Variants in GUCA1C observed in about 807,000 individuals in gnomAD.
GUCA1C encodes guanylate cyclase activator 1C, also known as guanylyl cyclase-activating protein 3.
GUCA1C carries 15 observed loss-of-function variants against 16.2 expected under a neutral mutation model. The ratio of observed to expected loss-of-function variants is 0.93; its 90% CI spans 0.62 to 1.43. GUCA1C has a LOEUF of 1.43. Ranked by LOEUF, GUCA1C falls within the 40% of genes most tolerant of loss-of-function variation. The pLI, the probability that GUCA1C is intolerant of heterozygous loss-of-function variation, is 0.00. For synonymous variants in GUCA1C, 78 were observed against 85.4 expected (o/e 0.91, Z 0.48); for missense variants, 275 against 244.8 (o/e 1.12, Z -0.82).
Position 108,920,512 on chromosome 3 carries a change from A to C in GUCA1C, c.278T>G (p.Leu93Ter), listed in dbSNP as rs765595097. 31 of 1,597,180 alleles carry C rather than the reference A, an allele frequency of 1.9e-5. No individual in the cohort carries two copies. The highest frequency in any genetic ancestry group is 3.4e-4 in the Middle Eastern group (2 of 5,848). Residue 93 changes from leucine to a stop codon, truncating the protein, a stop_gained, in exon 2 of 4, where the codon TTA (leucine) becomes TGA (stop). Coordinates refer to ENST00000261047, the MANE Select transcript of GUCA1C (RefSeq NM_005459.4). LOFTEE classifies it high-confidence loss of function. ...ATCATACAGCTTAAAATACCATTTT[A>C]ATTTTTGCTCCATTTTTTCTTGCAT... Reference protein sequence around the residue: ...LIMQEKMEQKLKWYFKLYDAD... With the variant: ...LIMQEKMEQK
intron 2 of GUCA1C, 106 bp downstream of exon 2, chr3:108,920,330 T>C (rs1007439690): frequency 2.6e-6 from 2 of 780,276 alleles, no homozygotes; most frequent in Non-Finnish European, 4.4e-6. Context: ...AAAATGTATA[T>C]CGCCAAAATA....
intron 1 of GUCA1C, among the ~76,000 whole-genome samples, chr3:108,930,625 T>A (rs1454736902): frequency 6.6e-6 from 1 of 152,210 alleles, no homozygotes; most frequent in African/African-American, 2.4e-5. Flanking sequence ...ACATTTAGTA[T>A]TAGATTTTTG....
intron 1 of GUCA1C, among the ~76,000 whole-genome samples, chr3:108,935,268 G>T (rs1381779049): frequency 6.6e-6 from 1 of 151,414 alleles, no homozygotes; most frequent in African/African-American, 2.4e-5. Context: ...CGGATGATGG[G>T]ATCAGTAGTA....
intron 1 of GUCA1C, among the ~76,000 whole-genome samples, chr3:108,922,142 TACACAC>T (rs1559842305): frequency 1.4e-5 from 2 of 143,874 alleles, no homozygotes; most frequent in African/African-American, 5.2e-5. Context: ...CCATGGTGTA[TACACAC>T]ACACATACAC....
rs754752434 is a variant in GUCA1C, at chr3:108,933,255, C to T, written c.205-12670G>A. On this transcript the variant is annotated intron_variant, in intron 1 of 3. Transcript: ENST00000261047. ...GAGGAAGGAGAAGAAATTAAGAGCT[C>T]GCAAAGCCAGAACCCATTTTACCCA... Among the ~76,000 whole-genome samples the T allele has an allele frequency of 7.2e-5, 11 of 152,064 alleles. 1 individual carries two copies. The highest frequency in any genetic ancestry group is 2.6e-4 in the Admixed American group (4 of 15,262).
intron 3 of GUCA1C, among the ~76,000 whole-genome samples, chr3:108,915,001 G>C (rs1576544148): frequency 6.6e-6 from 1 of 152,194 alleles, no homozygotes; most frequent in Admixed American, 6.5e-5. Flanking sequence ...GATCTACACC[G>C]AGGTGCTTAA....
At chr3:108,935,200 AAGGAG>A (rs1197678537) in intron 1 of GUCA1C, among the ~76,000 whole-genome samples, 1 of 151,998 alleles carries the variant, frequency 6.6e-6, no homozygotes, top group Non-Finnish European at 1.5e-5. Flanking sequence ...CTGGTTGGGG[AAGGAG>A]AGGAAGGGAG....
chr3:108,908,870 T>G (rs1946418971), intron 3 of GUCA1C, among the ~76,000 whole-genome samples: 1 of 152,192 alleles, frequency 6.6e-6, no homozygotes, highest in East Asian at 1.9e-4. Context: ...CAAACATTTT[T>G]GGGGAGGGGG....
At chr3:108,923,303 C>A (rs1373831926) in intron 1 of GUCA1C, among the ~76,000 whole-genome samples, 1 of 152,130 alleles carries the variant, frequency 6.6e-6, no homozygotes, top group Non-Finnish European at 1.5e-5. Context: ...GGTTTCGGAT[C>A]TTTGATTTAA....
At chr3:108,908,948 C>T (rs1463871689) in intron 3 of GUCA1C, among the ~76,000 whole-genome samples, 2 of 152,128 alleles carry the variant, frequency 1.3e-5, no homozygotes, top group Admixed American at 1.3e-4. Context: ...GGTACAGATG[C>T]AGTTATTGAT....
chr3:108,946,564 AAAGT>A (rs1173329476), intron 1 of GUCA1C, among the ~76,000 whole-genome samples: 3 of 152,218 alleles, frequency 2.0e-5, no homozygotes, highest in African/African-American at 7.2e-5. Flanking sequence ...ACAATTCACT[AAAGT>A]AAGACAACCA....
chr3:108,948,649 T>C (rs1576558361), intron 1 of GUCA1C, among the ~76,000 whole-genome samples: 1 of 152,218 alleles, frequency 6.6e-6, no homozygotes, highest in South Asian at 2.1e-4. Context: ...AAGGTTTTTT[T>C]CCACTTTTAG....
intron 1 of GUCA1C, among the ~76,000 whole-genome samples, chr3:108,950,723 A>G (rs2593924): frequency 0.35 from 53,245 of 152,072 alleles, 9,809 homozygotes; most frequent in Middle Eastern, 0.49. Context: ...GCCAGGTTAG[A>G]AATGGCACAT....
intron 1 of GUCA1C, among the ~76,000 whole-genome samples, chr3:108,945,480 T>C (rs555360000): frequency 1.4e-4 from 21 of 152,344 alleles, no homozygotes; most frequent in Non-Finnish European, 2.4e-4. Context: ...GTCTAGGACA[T>C]TGGCTTTGAA....
intron 3 of GUCA1C, 49 bp downstream of exon 3, chr3:108,916,078 A>G: frequency 6.2e-7 from 1 of 1,607,934 alleles, no homozygotes; most frequent in South Asian, 1.1e-5. Context: ...CACTACCACC[A>G]TCTCCTACTT....
chr3:108,942,387 G>T (rs1946795824), intron 1 of GUCA1C, among the ~76,000 whole-genome samples: 1 of 152,140 alleles, frequency 6.6e-6, no homozygotes, highest in Non-Finnish European at 1.5e-5. Context: ...CCCAGCAAAT[G>T]AACCTTGGAT....
intron 2 of GUCA1C, 137 bp downstream of exon 2, chr3:108,920,299 C>CTTA: frequency 2.9e-6 from 2 of 678,898 alleles, no homozygotes; most frequent in Non-Finnish European, 5.2e-6. Flanking sequence ...TTAAGTAAAG[C>CTTA]TTATATTACT....
intron 1 of GUCA1C, among the ~76,000 whole-genome samples, chr3:108,921,053 T>G (rs1946565508): frequency 6.6e-6 from 1 of 152,156 alleles, no homozygotes; most frequent in Non-Finnish European, 1.5e-5. Flanking sequence ...TTGCATAGAG[T>G]AGTTTTGCTA....
Position 108,908,186 on chromosome 3 carries a change from T to A in GUCA1C, c.466A>T (p.Ile156Phe). The change falls in exon 4 of 4, where the codon ATC (isoleucine) becomes TTC (phenylalanine). Residue 156 changes from isoleucine to phenylalanine, a missense_variant. Transcript: ENST00000261047. ...NDGELTLEEFINGMAKDQDLL... is the reference protein window; with the variant it reads ...NDGELTLEEFFNGMAKDQDLL... The stretch of plus-strand genomic sequence containing the variant: ...TCCTGATCTTTTGCCATGCCATTGA[T>A]AAATTCTTCTAAAGTCAATTCCCCT... 6.2e-7 allele frequency: 1 copy of A among 1,613,240 alleles called. No homozygotes were observed. Among genetic ancestry groups the A allele is most frequent in the Non-Finnish European group, 8.5e-7 (1 of 1,179,252 alleles).
Sources: allele counts gnomAD v4.1 joint callset (sites outside exome capture counted in the v4.1 genomes callset), GRCh38; gene constraint gnomAD v4.1.1; transcripts MANE v1.5; gene names NCBI Gene and HGNC (gene_info 2026-07-23, HGNC 2026-07-21).